MYO16: variants seen among roughly 807,000 people sequenced by gnomAD.
The protein encoded by MYO16 is myosin XVI.
In MYO16, 94 loss-of-function variants were observed where a neutral mutation model predicts 205.3. That is an observed-to-expected ratio of 0.46 (90% CI 0.39 to 0.54). The LOEUF (loss-of-function observed/expected upper bound fraction) is 0.54. Ranked by LOEUF, MYO16 falls within the 20% of genes least tolerant of loss-of-function variation. The pLI, the probability that MYO16 is intolerant of heterozygous loss-of-function variation, is 0.00. For missense variants in MYO16, 2,315 were observed against 2,387.5 expected (o/e 0.97, Z 0.63); for synonymous variants, 988 against 954.0 (o/e 1.04, Z -0.66).
the MYO16 span, among the ~76,000 whole-genome samples, chr13:108,551,627 A>G: frequency 6.6e-6 from 1 of 152,136 alleles, no homozygotes; most frequent in Non-Finnish European, 1.5e-5. Context: ...AAACATGATC[A>G]TATTTTTTTG....
intron 2 of MYO16, among the ~76,000 whole-genome samples, chr13:108,669,971 T>C (rs1236428995): frequency 6.6e-6 from 1 of 152,106 alleles, no homozygotes; most frequent in Non-Finnish European, 1.5e-5. Context: ...ACACCTAATG[T>C]ACATGGGGCT....
intron 4 of MYO16, among the ~76,000 whole-genome samples, chr13:108,739,383 C>T (rs1390373401): frequency 6.6e-6 from 1 of 152,100 alleles, no homozygotes; most frequent in Non-Finnish European, 1.5e-5. Context: ...TTTTATTTCT[C>T]CTTCACTTAT....
chr13:108,541,182 T>G, the MYO16 span, among the ~76,000 whole-genome samples: 1 of 152,120 alleles, frequency 6.6e-6, no homozygotes, highest in Non-Finnish European at 1.5e-5. Flanking sequence ...GACAATATTT[T>G]TTCAAATCAA....
In MYO16 at chr13:109,201,994, T is replaced by C. The variant is rs140653160; in HGVS notation, c.5416-4615T>C. The stretch of plus-strand genomic sequence containing the variant: ...TATGTACACACACACACACATCATA[T>C]ATCTATACATCATACATATCATATA... On this transcript the variant is annotated intron_variant, in intron 34 of 34. Coordinates refer to ENST00000457511, the MANE Select transcript of MYO16 (RefSeq NM_001198950.3). 4.6e-3 allele frequency among the ~76,000 whole-genome samples: 693 copies of C among 152,164 alleles called. 5 individuals are homozygous for C. The highest frequency in any genetic ancestry group is 8.2e-3 in the Non-Finnish European group (557 of 68,008).
intron 21 of MYO16, among the ~76,000 whole-genome samples, chr13:108,998,353 A>G (rs1219208734): frequency 2.0e-5 from 3 of 152,190 alleles, no homozygotes; most frequent in Non-Finnish European, 4.4e-5. Context: ...TATATTGTAT[A>G]TGCCCCAAGT....
At chr13:108,939,336 C>G (rs1056497554) in intron 16 of MYO16, among the ~76,000 whole-genome samples, 5 of 152,134 alleles carry the variant, frequency 3.3e-5, no homozygotes, top group African/African-American at 1.2e-4. Context: ...TTGCTGGGGT[C>G]CCCGGGGGAA....
intron 16 of MYO16, among the ~76,000 whole-genome samples, chr13:108,926,177 G>A (rs1313381268): frequency 4.6e-5 from 7 of 152,212 alleles, no homozygotes; most frequent in South Asian, 2.1e-4. Context: ...GTGTTTCAGC[G>A]TGTGTACTGA....
chr13:108,851,106 CA>C (rs1877841074), intron 10 of MYO16, among the ~76,000 whole-genome samples: 1 of 152,152 alleles, frequency 6.6e-6, no homozygotes, highest in Admixed American at 6.5e-5. Flanking sequence ...CTGAAGAAAA[CA>C]CAAATCTTAC....
chr13:109,041,189 GATAAA>G (rs1378318816), intron 23 of MYO16, among the ~76,000 whole-genome samples: 1 of 152,020 alleles, frequency 6.6e-6, no homozygotes, highest in East Asian at 1.9e-4. Flanking sequence ...ACAAAATTCT[GATAAA>G]ATAAATTAAA....
chr13:108,523,953 G>T, the MYO16 span, among the ~76,000 whole-genome samples: 1 of 152,292 alleles, frequency 6.6e-6, no homozygotes, highest in East Asian at 1.9e-4. Flanking sequence ...CCATCCTTTT[G>T]GTGCTGTCCT....
At chr13:108,676,675 A>G (rs1336234108) in intron 2 of MYO16, among the ~76,000 whole-genome samples, 2 of 152,214 alleles carry the variant, frequency 1.3e-5, no homozygotes, top group Non-Finnish European at 2.9e-5. Context: ...ACCAAAGCCC[A>G]TGTGGAGTGA....
At chr13:108,829,134 G>C (rs1384789770) in intron 9 of MYO16, among the ~76,000 whole-genome samples, 1 of 152,156 alleles carries the variant, frequency 6.6e-6, no homozygotes, top group East Asian at 1.9e-4. Context: ...GATGAGGACT[G>C]TGCCCTTAAC....
intron 12 of MYO16, among the ~76,000 whole-genome samples, chr13:108,873,350 C>G (rs1373170610): frequency 6.6e-6 from 1 of 152,220 alleles, no homozygotes; most frequent in Non-Finnish European, 1.5e-5. Context: ...ATTTCATTAT[C>G]ATTAACTCTG....
At chr13:109,101,384 C>T (rs1366741903) in intron 28 of MYO16, 1 of 153,326 alleles carries the variant, frequency 6.5e-6, no homozygotes, top group Non-Finnish European at 1.5e-5. Flanking sequence ...ATGTCACCAT[C>T]CTTTGAAGCC....
At chr13:109,022,297 CAAATATATATTTATATATTATAT>C (rs1886066579) in intron 23 of MYO16, among the ~76,000 whole-genome samples, 1 of 16,006 alleles carries the variant, frequency 6.2e-5, no homozygotes, top group Non-Finnish European at 9.5e-5. Context: ...ATATAATATA[CAAATATATATTTATATATTATAT>C]ACAAATATAT....
In MYO16 at chr13:109,127,153, C is replaced by A; in HGVS notation, c.3783-129C>A. On this transcript the variant is annotated intron_variant, in intron 30 of 34. Coordinates refer to ENST00000457511, the MANE Select transcript of MYO16 (RefSeq NM_001198950.3). The surrounding 1 kb of genome is among the most constrained non-coding windows in gnomAD (Gnocchi z 4.2). ...TCACCAGAGGGCTGCACACGTCCTCCAGCCACAGCAGGAAGGGCTGCTTGC... is the reference window on the plus strand; with the variant it reads ...TCACCAGAGGGCTGCACACGTCCTCAAGCCACAGCAGGAAGGGCTGCTTGC... 1 of 1,243,262 alleles carries A rather than the reference C, an allele frequency of 8.0e-7. No homozygotes were observed. The highest frequency in any genetic ancestry group is 1.1e-6 in the Non-Finnish European group (1 of 925,482). The allele number at this position is 1,243,262 out of a possible 1,614,324, so 77.0% of individuals were successfully genotyped here.
At position 109,206,821 on chromosome 13, in the gene MYO16, G is replaced by A; in HGVS notation, c.5628G>A (p.Trp1876Ter). 3.1e-6 allele frequency: 5 copies of A among 1,613,950 alleles called. No homozygotes were observed. Among genetic ancestry groups the A allele is most frequent in the Non-Finnish European group, 3.4e-6 (4 of 1,179,932 alleles). Residue 1876 changes from tryptophan to a stop codon, truncating the protein, a stop_gained, in exon 35 of 35, where the codon TGG becomes TGA. Coordinates refer to ENST00000457511, the MANE Select transcript of MYO16 (RefSeq NM_001198950.3). LOFTEE classifies it high-confidence loss of function. ...GCAACAGGCTGCCGTCTGAGCTCTG[G>A]GACACCACCATTTGATGTGGCCTGA... ...ASCNRLPSEL[W>*]DTTI
At chr13:108,755,640 A>G (rs915285619) in intron 4 of MYO16, among the ~76,000 whole-genome samples, 8 of 151,974 alleles carry the variant, frequency 5.3e-5, no homozygotes, top group Non-Finnish European at 1.0e-4. Context: ...AAATGTAGTG[A>G]CACTATATTT....
the MYO16 span, among the ~76,000 whole-genome samples, chr13:108,578,424 C>T: frequency 1.3e-5 from 2 of 152,266 alleles, no homozygotes; most frequent in South Asian, 2.1e-4. Context: ...AATTAAATAT[C>T]GAGGTAATGG....
Sources: allele counts gnomAD v4.1 joint callset (sites outside exome capture counted in the v4.1 genomes callset), GRCh38; gene constraint gnomAD v4.1.1; non-coding constraint Gnocchi (gnomAD v3.1); transcripts MANE v1.5; gene names NCBI Gene and HGNC (gene_info 2026-07-23, HGNC 2026-07-21).